LRRTM4: variants seen among roughly 807,000 people sequenced by gnomAD.
LRRTM4 encodes leucine rich repeat transmembrane neuronal 4.
LRRTM4 carries 25 observed loss-of-function variants against 47.6 expected under a neutral mutation model. That is an observed-to-expected ratio of 0.53 (90% CI 0.38 to 0.73). The LOEUF (loss-of-function observed/expected upper bound fraction) is 0.73. Among genes scored for constraint, LRRTM4 ranks in the 30% least tolerant of loss-of-function variants. The probability of loss-of-function intolerance (pLI) is 0.00; values close to 1 mark genes in which losing one functional copy is unlikely to be tolerated. For synonymous variants in LRRTM4, 311 were observed against 269.5 expected, an observed-to-expected ratio of 1.15 and a Z score of -1.51; for missense variants, 638 against 713.4, an observed-to-expected ratio of 0.89 and a Z score of 1.20.
chr2:77,095,930 G>A (rs1274880884), intron 3 of LRRTM4, among the ~76,000 whole-genome samples: 1 of 152,148 alleles, frequency 6.6e-6, no homozygotes, highest in Non-Finnish European at 1.5e-5. Context: ...TGGACTATAG[G>A]AATAAGTTTT....
intron 3 of LRRTM4, among the ~76,000 whole-genome samples, chr2:77,089,644 C>T (rs898355802): frequency 3.9e-5 from 6 of 151,968 alleles, no homozygotes; most frequent in South Asian, 2.1e-4. Flanking sequence ...TGGGAACCTT[C>T]CACCCTCCAT....
At chr2:77,455,806 T>C (rs1171810537) in intron 3 of LRRTM4, among the ~76,000 whole-genome samples, 1 of 152,124 alleles carries the variant, frequency 6.6e-6, no homozygotes, top group Non-Finnish European at 1.5e-5. Flanking sequence ...ATCCTGTTTT[T>C]ATTGGAAGTT....
At chr2:77,477,868 A>T (rs1677471054) in intron 3 of LRRTM4, among the ~76,000 whole-genome samples, 1 of 144,948 alleles carries the variant, frequency 6.9e-6, no homozygotes. Flanking sequence ...AAAGAGAGAG[A>T]GAAAGAAAGA....
At chr2:77,292,192 A>T (rs1464303785) in intron 3 of LRRTM4, among the ~76,000 whole-genome samples, 3 of 150,082 alleles carry the variant, frequency 2.0e-5, no homozygotes, top group Admixed American at 6.6e-5. Context: ...AAAAGTCAGG[A>T]AACAACAGGT....
At chr2:77,145,093 G>T (rs1275082885) in intron 3 of LRRTM4, among the ~76,000 whole-genome samples, 1 of 151,886 alleles carries the variant, frequency 6.6e-6, no homozygotes, top group Non-Finnish European at 1.5e-5. Flanking sequence ...ATGACAACAT[G>T]AATAGGAAGA....
intron 3 of LRRTM4, among the ~76,000 whole-genome samples, chr2:76,902,255 C>G (rs1284297456): frequency 2.6e-5 from 4 of 152,152 alleles, no homozygotes; most frequent in African/African-American, 9.7e-5. Flanking sequence ...CCAGATATTC[C>G]TGTTCCTACC....
chr2:76,992,591 A>C (rs576853427), intron 3 of LRRTM4, among the ~76,000 whole-genome samples: 2 of 151,732 alleles, frequency 1.3e-5, no homozygotes, highest in Non-Finnish European at 2.9e-5. Flanking sequence ...CTGCACAAAG[A>C]GAACTACAAA....
intron 3 of LRRTM4, among the ~76,000 whole-genome samples, chr2:77,444,934 CACACACACACACACAT>C (rs1410881271): frequency 2.6e-5 from 3 of 115,134 alleles, no homozygotes; most frequent in South Asian, 6.6e-4. Context: ...CTTTATTTTA[CACACACACACACACAT>C]ACACACACAC....
At chr2:77,433,601 A>G (rs1237870195) in intron 3 of LRRTM4, among the ~76,000 whole-genome samples, 8 of 152,176 alleles carry the variant, frequency 5.3e-5, no homozygotes, top group Admixed American at 4.6e-4. Flanking sequence ...TAATATTCTG[A>G]TATGTTTACC....
At chr2:77,463,606 T>G (rs1043629413) in intron 3 of LRRTM4, among the ~76,000 whole-genome samples, 2 of 152,102 alleles carry the variant, frequency 1.3e-5, no homozygotes, top group African/African-American at 4.8e-5. Flanking sequence ...TTTCTATAAA[T>G]AATAGGCCAT....
intron 3 of LRRTM4, among the ~76,000 whole-genome samples, chr2:77,174,645 TTTTG>T (rs998981827): frequency 1.3e-5 from 2 of 151,310 alleles, no homozygotes; most frequent in African/African-American, 4.9e-5. Context: ...TGGTTGTTTT[TTTTG>T]TTTGTTTTTT....
chr2:76,879,640 C>A (rs1461817155), intron 3 of LRRTM4, among the ~76,000 whole-genome samples: 1 of 152,136 alleles, frequency 6.6e-6, no homozygotes, highest in East Asian at 1.9e-4. Flanking sequence ...TTCTTCAGCC[C>A]ATGGATCAAA....
At chr2:76,965,233 A>G (rs1323728136) in intron 3 of LRRTM4, among the ~76,000 whole-genome samples, 1 of 151,158 alleles carries the variant, frequency 6.6e-6, no homozygotes, top group Non-Finnish European at 1.5e-5. Context: ...ACAAATTAAG[A>G]TATTATAGAA....
chr2:77,000,961 A>T (rs961777994), intron 3 of LRRTM4, among the ~76,000 whole-genome samples: 2 of 152,134 alleles, frequency 1.3e-5, no homozygotes, highest in African/African-American at 4.8e-5. Flanking sequence ...AAGCTACCTT[A>T]TACCTCAGGG....
chr2:77,385,035 T>C (rs1420755248), intron 3 of LRRTM4, among the ~76,000 whole-genome samples: 3 of 151,952 alleles, frequency 2.0e-5, no homozygotes, highest in Non-Finnish European at 2.9e-5. Context: ...GCTAAAAATG[T>C]GCAAAAAGAA....
chr2:77,074,862 A>G (rs1420592459), intron 3 of LRRTM4, among the ~76,000 whole-genome samples: 1 of 152,134 alleles, frequency 6.6e-6, no homozygotes, highest in Non-Finnish European at 1.5e-5. Flanking sequence ...CTATTAAGTT[A>G]TGGTTTAAAG....
At chr2:76,990,079 T>A (rs942640666) in intron 3 of LRRTM4, among the ~76,000 whole-genome samples, 1 of 151,812 alleles carries the variant, frequency 6.6e-6, no homozygotes, top group African/African-American at 2.4e-5. Context: ...TGGGTAAATC[T>A]AGAAGGCAAT....
intron 3 of LRRTM4, among the ~76,000 whole-genome samples, chr2:77,098,574 G>A (rs1670869928): frequency 6.6e-6 from 1 of 151,940 alleles, no homozygotes; most frequent in Non-Finnish European, 1.5e-5. Flanking sequence ...CTTATTCACA[G>A]GGCCTCTTGC....
intron 3 of LRRTM4, among the ~76,000 whole-genome samples, chr2:77,111,963 G>A (rs576566127): frequency 8.5e-5 from 13 of 152,262 alleles, no homozygotes; most frequent in African/African-American, 3.1e-4. Context: ...ATAGTTTCAG[G>A]CATCGACTGG....
Sources: allele counts gnomAD v4.1 joint callset (sites outside exome capture counted in the v4.1 genomes callset), GRCh38; gene constraint gnomAD v4.1.1; transcripts MANE v1.5; gene names NCBI Gene and HGNC (gene_info 2026-07-23, HGNC 2026-07-21).